TMEM232: variants seen among roughly 807,000 people sequenced by gnomAD.
TMEM232 encodes transmembrane protein 232.
A neutral mutation model predicts 78.8 loss-of-function variants in TMEM232; 80 were observed. The observed-to-expected ratio is 1.01, with a 90% CI of 0.85 to 1.22. The LOEUF (loss-of-function observed/expected upper bound fraction) is 1.22, where lower values mean the gene tolerates loss of function less well. TMEM232 is among the 50% of genes most tolerant of loss of function. The pLI, the probability that TMEM232 is intolerant of heterozygous loss-of-function variation, is 0.00. For synonymous variants in TMEM232, 297 were observed against 254.3 expected, an observed-to-expected ratio of 1.17 and a Z score of -1.60; for missense variants, 881 against 742.2, an observed-to-expected ratio of 1.19 and a Z score of -2.17.
chr5:110,559,902 T>C (rs1196969030), intron 11 of TMEM232, among the ~76,000 whole-genome samples: 1 of 152,142 alleles, frequency 6.6e-6, no homozygotes, highest in Non-Finnish European at 1.5e-5. Flanking sequence ...GGCTTGTAAA[T>C]GAATCACTCC....
intron 10 of TMEM232, among the ~76,000 whole-genome samples, chr5:110,577,917 TG>T (rs1777754232): frequency 1.3e-5 from 2 of 151,922 alleles, no homozygotes; most frequent in Non-Finnish European, 2.9e-5. Context: ...ACATAACTAA[TG>T]GGTACTAGGC....
intron 11 of TMEM232, among the ~76,000 whole-genome samples, chr5:110,544,072 A>T (rs1278279781): frequency 2.0e-5 from 3 of 152,164 alleles, no homozygotes; most frequent in Non-Finnish European, 4.4e-5. Flanking sequence ...ACATTATCTC[A>T]AACACCAACT....
At chr5:110,431,250 C>T (rs1404569225) in intron 12 of TMEM232, among the ~76,000 whole-genome samples, 1 of 151,452 alleles carries the variant, frequency 6.6e-6, no homozygotes, top group Non-Finnish European at 1.5e-5. Flanking sequence ...TTTTCAGAAA[C>T]TTTACAGTTT....
At chr5:110,737,083 T>C (rs1580840753) in intron 1 of TMEM232, among the ~76,000 whole-genome samples, 1 of 151,854 alleles carries the variant, frequency 6.6e-6, no homozygotes, top group African/African-American at 2.4e-5. Flanking sequence ...CATTGCACTA[T>C]ATTTGACAGG....
At chr5:110,517,309 C>A (rs1267078005) in intron 12 of TMEM232, among the ~76,000 whole-genome samples, 1 of 152,156 alleles carries the variant, frequency 6.6e-6, no homozygotes, top group African/African-American at 2.4e-5. Flanking sequence ...AGCTATGGAA[C>A]TTTTCTTTAG....
intron 2 of TMEM232, among the ~76,000 whole-genome samples, chr5:110,732,650 C>A (rs765195896): frequency 6.6e-6 from 1 of 152,210 alleles, no homozygotes; most frequent in Non-Finnish European, 1.5e-5. Context: ...ATTACCTCCC[C>A]CTGGGTCCCT....
chr5:110,580,626 A>T (rs1398219301), intron 10 of TMEM232, among the ~76,000 whole-genome samples: 1 of 151,752 alleles, frequency 6.6e-6, no homozygotes, highest in Non-Finnish European at 1.5e-5. Flanking sequence ...TTCAATAATA[A>T]GGATGACAAC....
At chr5:110,671,448 C>T (rs187362466) in intron 1 of TMEM232, among the ~76,000 whole-genome samples, 36 of 152,198 alleles carry the variant, frequency 2.4e-4, no homozygotes, top group Admixed American at 1.1e-3. Flanking sequence ...CACATGCACA[C>T]GTATGTTTAC....
intron 12 of TMEM232, among the ~76,000 whole-genome samples, chr5:110,488,711 G>C (rs543695412): frequency 6.6e-6 from 1 of 152,048 alleles, no homozygotes; most frequent in East Asian, 1.9e-4. Flanking sequence ...AATAAGCTTA[G>C]AGTGGAGATA....
intron 1 of TMEM232, among the ~76,000 whole-genome samples, chr5:110,688,312 A>C (rs533393802): frequency 6.6e-6 from 1 of 152,306 alleles, no homozygotes; most frequent in African/African-American, 2.4e-5. Context: ...AAGCTGCCTT[A>C]TATTATGATT....
At chr5:110,596,191 G>GA (rs1403953741) in intron 10 of TMEM232, among the ~76,000 whole-genome samples, 2 of 152,186 alleles carry the variant, frequency 1.3e-5, no homozygotes, top group East Asian at 1.9e-4. Context: ...TATCACCACC[G>GA]ATCCCACAGA....
Position 110,528,668 on chromosome 5 carries a change from T to C in TMEM232, c.1623A>G (p.Pro541=). 3.9e-6 allele frequency: 6 copies of C among 1,535,174 alleles called. No individual in the cohort carries two copies. Among genetic ancestry groups the C allele is most frequent in the Non-Finnish European group, 4.4e-6 (5 of 1,146,410 alleles). Residue 541 remains proline, a synonymous_variant, in exon 12 of 14, where the codon CCA becomes CCG. Transcript: ENST00000455884. ...ATTTTGTTTGATCCTTTTTTATTGA[T>C]GGTTTCTTCAAAGGAAGAAAATGGG... is the stretch of plus-strand genomic sequence containing the variant. ...IEAHFLPLKK[P]SIKKDQTKYP... is the part of the protein sequence containing the mutation.
chr5:110,695,213 A>T (rs1312927416), intron 1 of TMEM232, among the ~76,000 whole-genome samples: 1 of 152,226 alleles, frequency 6.6e-6, no homozygotes, highest in African/African-American at 2.4e-5. Flanking sequence ...CTGGGTACAT[A>T]AAGAAATGAA....
At chr5:110,609,084 T>C (rs1382276336) in intron 8 of TMEM232, among the ~76,000 whole-genome samples, 1 of 152,092 alleles carries the variant, frequency 6.6e-6, no homozygotes, top group East Asian at 1.9e-4. Context: ...TCCTAGGTTC[T>C]TCTTACTCCT....
intron 6 of TMEM232, among the ~76,000 whole-genome samples, chr5:110,627,109 T>C (rs1561412425): frequency 6.6e-6 from 1 of 152,030 alleles, no homozygotes; most frequent in Non-Finnish European, 1.5e-5. Flanking sequence ...ATATGCCCAA[T>C]ATTTCTCCAA....
chr5:110,550,896 C>A (rs1581180566), intron 11 of TMEM232, among the ~76,000 whole-genome samples: 2 of 146,682 alleles, frequency 1.4e-5, no homozygotes, highest in African/African-American at 2.5e-5. Flanking sequence ...AAAAAAAGTT[C>A]AGATAATCTA....
At chr5:110,494,796 CGTG>C (rs1561568682) in intron 12 of TMEM232, among the ~76,000 whole-genome samples, 1 of 151,694 alleles carries the variant, frequency 6.6e-6, no homozygotes, top group Non-Finnish European at 1.5e-5. Context: ...CTATGTATAA[CGTG>C]GGAGAATACC....
chr5:110,704,601 C>A (rs146168262), intron 1 of TMEM232, among the ~76,000 whole-genome samples: 34 of 152,120 alleles, frequency 2.2e-4, no homozygotes, highest in Middle Eastern at 3.4e-3. Context: ...AACCACTAAT[C>A]TAATTAATAT....
In TMEM232 at chr5:110,420,123, C is replaced by CTGTT. The variant is rs1756493794; in HGVS notation, c.*453_*456dup. 6.6e-6 allele frequency: 1 copy of CTGTT among 152,306 alleles called. No individual in the cohort carries two copies. Among genetic ancestry groups the CTGTT allele is most frequent in the African/African-American group, 2.4e-5 (1 of 41,430 alleles). The allele number at this position is 152,306 out of a possible 1,614,324, so 9.4% of individuals were successfully genotyped here. On this transcript the variant is annotated 3_prime_UTR_variant, in exon 14 of 14. Transcript: ENST00000455884. The stretch of plus-strand genomic sequence containing the variant: ...AATGCCAATCAAATAAGATGCCATA[C>CTGTT]TGTTTTTATTTGAATAATAGTAATT...
Sources: gnomAD v4.1 joint callset for allele counts (sites outside exome capture counted in the v4.1 genomes callset) on GRCh38, gnomAD v4.1.1 for gene constraint, MANE v1.5 for transcripts, NCBI Gene and HGNC (gene_info 2026-07-23, HGNC 2026-07-21) for gene names.